The following TRPA1 variants were observed in gnomAD, a reference collection of about 807,000 sequenced individuals.
TRPA1 encodes transient receptor potential cation channel subfamily A member 1.
In TRPA1, 129 loss-of-function variants were observed where a neutral mutation model predicts 131.3. That is an observed-to-expected ratio of 0.98 (90% confidence interval 0.85 to 1.14). The LOEUF (loss-of-function observed/expected upper bound fraction) is 1.14, where lower values mean the gene tolerates loss of function less well. Ranked by LOEUF, TRPA1 falls within the 50% of genes most tolerant of loss-of-function variation. TRPA1 has a pLI of 0.00. For synonymous variants in TRPA1, 441 were observed against 451.7 expected (o/e 0.98, Z 0.30); for missense variants, 1,304 against 1,354.2 (o/e 0.96, Z 0.58).
intron 23 of TRPA1, 52 bp downstream of exon 23, chr8:72,033,592 T>C (rs1811913986): frequency 3.4e-6 from 5 of 1,492,472 alleles, no homozygotes; most frequent in South Asian, 1.2e-5. Context: ...ATTATCATTA[T>C]AAAATGTTTC....
intron 10 of TRPA1, 132 bp from the exon 11 acceptor site, chr8:72,055,987 A>C: frequency 1.4e-6 from 1 of 726,782 alleles, no homozygotes; most frequent in Non-Finnish European, 2.4e-6. Context: ...ATTGTAAATA[A>C]CCTAAAGGAT....
Position 72,050,100 on chromosome 8 carries a change from C to G in TRPA1, c.1905+678G>C, listed in dbSNP as rs6998483. 6.6e-5 allele frequency among the ~76,000 whole-genome samples: 10 copies of G among 152,178 alleles called. No individual in the cohort carries two copies. The East Asian group carries it at 1.4e-3, about 21-fold the overall frequency. On this transcript the variant is annotated intron_variant, in intron 15 of 26. Coordinates refer to ENST00000262209, the MANE Select transcript of TRPA1 (RefSeq NM_007332.3). The stretch of plus-strand genomic sequence containing the variant: ...TAATGCTATCACTCCCCTCTCCCCC[C>G]ACCCCACGACAGGCCCCGGTGTGTG...
the TRPA1 span, among the ~76,000 whole-genome samples, chr8:72,083,941 A>G: frequency 0.038 from 5,835 of 152,198 alleles, 378 homozygotes; most frequent in African/African-American, 0.13. Context: ...TAAAATAATC[A>G]CTTTTTTATT....
chr8:72,057,877 T>A, intron 8 of TRPA1, 61 bp from the exon 9 acceptor site: 1 of 1,250,504 alleles, frequency 8.0e-7, no homozygotes, highest in South Asian at 1.2e-5. Context: ...TAATATATTG[T>A]AATCTCTAAC....
At position 72,022,461 on chromosome 8, in the gene TRPA1, C is replaced by A; in HGVS notation, c.*445G>T. 3.4e-6 allele frequency: 1 copy of A among 294,272 alleles called. No homozygotes were observed. Among genetic ancestry groups the A allele is most frequent in the East Asian group, 9.6e-5 (1 of 10,458 alleles). The allele number at this position is 294,272 out of a possible 1,614,324, so 18.2% of individuals were successfully genotyped here. A position where few individuals can be genotyped will look rare whatever the true frequency, so the allele number is the denominator to read the frequency against. On this transcript the variant is annotated 3_prime_UTR_variant, in exon 27 of 27. Coordinates refer to ENST00000262209, the MANE Select transcript of TRPA1 (RefSeq NM_007332.3). ...AGGAAGCAGCTTAGGTTAGGTAGAC[C>A]TCAACCTAATATTTAAGACTATCAT...
At chr8:72,032,636 C>T (rs1811871129) in intron 23 of TRPA1, among the ~76,000 whole-genome samples, 1 of 152,186 alleles carries the variant, frequency 6.6e-6, no homozygotes, top group Admixed American at 6.5e-5. Flanking sequence ...TGTACTACTG[C>T]TAAGCCCAAT....
rs1430327623 is a variant in TRPA1, at chr8:72,022,974, G to T, written c.3292C>A (p.Gln1098Lys). 2.5e-6 allele frequency: 4 copies of T among 1,613,750 alleles called. No homozygotes were observed. The highest frequency in any genetic ancestry group is 3.4e-6 in the Non-Finnish European group (4 of 1,179,868). The change falls in exon 27 of 27, where the codon CAA becomes AAA. Residue 1098 changes from glutamine (Q) to lysine (K), a missense_variant. Coordinates refer to ENST00000262209, the MANE Select transcript of TRPA1 (RefSeq NM_007332.3). ...QDRFKKEQME[Q>K]RNSRWNTVLR... is the part of the protein sequence containing the mutation. ...ACAGTATTCCATCTGCTATTCCTTT[G>T]TTCCATCTGCTCTTTCTTAAACCTG...
intron 25 of TRPA1, among the ~76,000 whole-genome samples, chr8:72,024,497 C>T (rs1811512872): frequency 1.3e-5 from 2 of 152,044 alleles, no homozygotes; most frequent in Admixed American, 1.3e-4. Flanking sequence ...ATGGACCAGA[C>T]TGAGGGGAGA....
the TRPA1 span, among the ~76,000 whole-genome samples, chr8:72,084,843 G>A: frequency 8.6e-5 from 13 of 151,594 alleles, no homozygotes; most frequent in African/African-American, 2.4e-4. Context: ...GGAGAGACGA[G>A]GTTTCATTCT....
At chr8:72,072,979 T>C (rs1261606874) in intron 1 of TRPA1, among the ~76,000 whole-genome samples, 1 of 152,194 alleles carries the variant, frequency 6.6e-6, no homozygotes, top group Admixed American at 6.5e-5. Context: ...GAAAAGATTT[T>C]TTAAAGTTCT....
Position 72,022,906 on chromosome 8 carries a change from C to G in TRPA1, c.3360G>C (p.Ter1120TyrextTer14). 6.2e-7 allele frequency: 1 copy of G among 1,613,514 alleles called. No homozygotes were observed. The highest frequency in any genetic ancestry group is 8.5e-7 in the Non-Finnish European group (1 of 1,179,710). Residue 1120 changes from the stop codon to tyrosine (Y), a stop_lost, in exon 27 of 27, where the codon TAG (stop) becomes TAC (tyrosine). Transcript: ENST00000262209. ...GAAGCCTCACTGAAGGTCTGAGGAG[C>G]TAAGGCTCAAGATGGTGTGTTTTTG... is the stretch of plus-strand genomic sequence containing the variant. ...VKAKTHHLEP* is the reference protein window; with the variant it reads ...VKAKTHHLEPY
rs1585875970 is a variant in TRPA1, at chr8:72,055,862, G to A, written c.1195-7C>T. ...GCTCTTTGATCTGTTGCATCTATAG[G>A]AAAAAATTAATATCATACAAATAAC... On this transcript the variant is annotated splice_polypyrimidine_tract_variant and splice_region_variant and intron_variant, in intron 10 of 26. Transcript: ENST00000262209. 6.2e-7 allele frequency: 1 copy of A among 1,612,852 alleles called. No individual in the cohort carries two copies. Among genetic ancestry groups the A allele is most frequent in the Non-Finnish European group, 8.5e-7 (1 of 1,179,292 alleles).
intron 23 of TRPA1, among the ~76,000 whole-genome samples, chr8:72,032,926 CA>C (rs1811886487): frequency 1.3e-5 from 2 of 152,152 alleles, no homozygotes; most frequent in Non-Finnish European, 2.9e-5. Flanking sequence ...AAAGGAAAAA[CA>C]GGCACAACGA....
chr8:72,024,703 C>T (rs1322082212), intron 25 of TRPA1, among the ~76,000 whole-genome samples: 1 of 152,092 alleles, frequency 6.6e-6, no homozygotes, highest in Non-Finnish European at 1.5e-5. Context: ...ACCTTTAAAA[C>T]ATGCAAGTGG....
intron 3 of TRPA1, among the ~76,000 whole-genome samples, chr8:72,067,672 C>G (rs1372710017): frequency 6.6e-6 from 1 of 152,174 alleles, no homozygotes; most frequent in Non-Finnish European, 1.5e-5. Flanking sequence ...GAGCACAGAG[C>G]TCCATGAGGA....
chr8:72,030,108 C>T, intron 23 of TRPA1, 139 bp from the exon 24 acceptor site: 1 of 838,250 alleles, frequency 1.2e-6, no homozygotes, highest in Non-Finnish European at 2.0e-6. Flanking sequence ...AAGTTAATTG[C>T]TTATGGTTCT....
chr8:72,045,149 C>T (rs1812384700), intron 17 of TRPA1, among the ~76,000 whole-genome samples: 1 of 151,920 alleles, frequency 6.6e-6, no homozygotes, highest in South Asian at 2.1e-4. Context: ...ACACAACATA[C>T]TCAAGGAGAG....
At position 72,022,864 on chromosome 8, in the gene TRPA1, T is replaced by G. The variant is rs369515828; in HGVS notation, c.*42A>C. Reference sequence around the variant, plus strand: ...TAAATTGAAAGTTAGAACCAGCAAGTCATGCACCCCCCATTAGAAGCCTCA... The same window carrying G: ...TAAATTGAAAGTTAGAACCAGCAAGGCATGCACCCCCCATTAGAAGCCTCA... On this transcript the variant is annotated 3_prime_UTR_variant, in exon 27 of 27. Transcript: ENST00000262209. 1.5e-5 allele frequency: 23 copies of G among 1,566,816 alleles called. No individual in the cohort carries two copies. In the African/African-American group the frequency reaches 3.0e-4, roughly 20 times the overall value.
chr8:72,077,290 TG>T (rs71265967), upstream of TRPA1, among the ~76,000 whole-genome samples: 17,831 of 132,084 alleles, frequency 0.13, 1,241 homozygotes, highest in African/African-American at 0.19. Context: ...GTGACAGGGG[TG>T]GGGGGGGGGG....
Sources: gnomAD v4.1 joint callset for allele counts (sites outside exome capture counted in the v4.1 genomes callset) on GRCh38, gnomAD v4.1.1 for gene constraint, MANE v1.5 for transcripts, NCBI Gene and HGNC (gene_info 2026-07-23, HGNC 2026-07-21) for gene names.